TMEM219: variants seen among roughly 807,000 people sequenced by gnomAD.
The protein encoded by TMEM219 is transmembrane protein 219, also known as insulin-like growth factor-binding protein 3 receptor.
Under a neutral mutation model 17.9 loss-of-function variants are expected in TMEM219, and 18 were observed. That is an observed-to-expected ratio of 1.01 (90% CI 0.70 to 1.49). The LOEUF is 1.49. TMEM219 is among the 40% of genes most tolerant of loss of function. TMEM219 has a pLI of 0.00. For synonymous variants in TMEM219, 113 were observed against 124.0 expected (o/e 0.91, Z 0.59); for missense variants, 288 against 292.4 (o/e 0.99, Z 0.11).
At chr16:29,972,417 A>G (rs1377908659) in intron 5 of TMEM219, among the ~76,000 whole-genome samples, 1 of 152,184 alleles carries the variant, frequency 6.6e-6, no homozygotes, top group Non-Finnish European at 1.5e-5. Context: ...CAGCTTCACA[A>G]ACGTAGCAGT....
chr16:29,964,666 C>G (rs1295194466), intron 3 of TMEM219, among the ~76,000 whole-genome samples: 1 of 151,682 alleles, frequency 6.6e-6, no homozygotes, highest in African/African-American at 2.4e-5. Flanking sequence ...CGCCCCGCGC[C>G]CCCCCCACCA....
Position 29,968,187 on chromosome 16 carries a change from G to A in TMEM219, c.518G>A (p.Arg173Lys), listed in dbSNP as rs1258380426. Reference sequence around the variant, plus strand: ...GCTGGAAATGCCACCCTGAGCCCTAGAATGGGTGAGGAATGTGTTAGTGTC... The same window carrying A: ...GCTGGAAATGCCACCCTGAGCCCTAAAATGGGTGAGGAATGTGTTAGTGTC... ...EGAGNATLSP[R>K]MGEECVSVWS... Residue 173 changes from arginine to lysine, a missense_variant, in exon 4 of 6, where the codon AGA becomes AAA. Coordinates refer to ENST00000279396, the MANE Select transcript of TMEM219 (RefSeq NM_001083613.2). 11 of 1,614,088 alleles carry A rather than the reference G, an allele frequency of 6.8e-6. No individual in the cohort carries two copies. Among genetic ancestry groups the A allele is most frequent in the African/African-American group, 2.7e-5 (2 of 74,942 alleles).
At chr16:29,970,470 G>T (rs1203678834) in intron 4 of TMEM219, among the ~76,000 whole-genome samples, 1 of 150,806 alleles carries the variant, frequency 6.6e-6, no homozygotes, top group Non-Finnish European at 1.5e-5. Context: ...GACTACAGGC[G>T]CCCGCCACCA....
At chr16:29,970,165 C>T (rs2150866401) in intron 4 of TMEM219, among the ~76,000 whole-genome samples, 1 of 151,078 alleles carries the variant, frequency 6.6e-6, no homozygotes, top group African/African-American at 2.4e-5. Flanking sequence ...ACCTGGGAGG[C>T]AGAGGTTGTA....
chr16:29,963,061 G>T (rs2069165134), intron 1 of TMEM219, 46 bp from the exon 2 acceptor site: 2 of 1,497,594 alleles, frequency 1.3e-6, no homozygotes, highest in South Asian at 2.3e-5. Flanking sequence ...TTTTCTCTTT[G>T]CGTAAAAGCG....
Position 29,971,529 on chromosome 16 carries a change from C to G in TMEM219, c.707C>G (p.Ser236Cys), listed in dbSNP as rs370371593. 6.2e-7 allele frequency: 1 copy of G among 1,612,246 alleles called. No homozygotes were observed. The highest frequency in any genetic ancestry group is 2.2e-5 in the East Asian group (1 of 44,748). Reference sequence around the variant, plus strand: ...CACCCGCGCCGGGAGTCCCACTGGTCTAGAACCCGGCTCTGAGGGCACTGG... The same window carrying G: ...CACCCGCGCCGGGAGTCCCACTGGTGTAGAACCCGGCTCTGAGGGCACTGG... ...CFHPRRESHW[S>C]RTRL The change falls in exon 5 of 6, where the codon TCT becomes TGT. Residue 236 changes from serine (S) to cysteine (C), a missense_variant. By Grantham distance (112) the Ser-to-Cys change is moderately radical. Coordinates refer to ENST00000279396, the MANE Select transcript of TMEM219 (RefSeq NM_001083613.2).
At chr16:29,962,358 C>T (rs1408760595) in intron 1 of TMEM219, among the ~76,000 whole-genome samples, 1 of 152,084 alleles carries the variant, frequency 6.6e-6, no homozygotes, top group Non-Finnish European at 1.5e-5. Flanking sequence ...CCCTTCTTTT[C>T]CCCCGACCCC....
At position 29,963,415 on chromosome 16, in the gene TMEM219, T is replaced by C; in HGVS notation, c.181T>C (p.Leu61=). ...TTGCTCACAGGACTGGGTCTCTTTT[T>C]TGAGATCTTTTGGCCAGCTGACCCT... ...PDIPQDWVSF[L]RSFGQLTLCP... is the part of the protein sequence containing the mutation. Residue 61 remains leucine, a synonymous_variant, in exon 3 of 6, where the codon TTG becomes CTG. Coordinates refer to ENST00000279396, the MANE Select transcript of TMEM219 (RefSeq NM_001083613.2). 6.2e-7 allele frequency: 1 copy of C among 1,614,206 alleles called. No homozygotes were observed. Among genetic ancestry groups the C allele is most frequent in the Middle Eastern group, 1.6e-4 (1 of 6,062 alleles).
chr16:29,967,689 A>G (rs2069228629), intron 3 of TMEM219, among the ~76,000 whole-genome samples: 1 of 152,336 alleles, frequency 6.6e-6, no homozygotes, highest in Non-Finnish European at 1.5e-5. Flanking sequence ...GCACTTTGGG[A>G]GGCCAAGGCG....
intron 4 of TMEM219, 36 bp downstream of exon 4, chr16:29,968,290 A>T: frequency 6.5e-7 from 1 of 1,534,424 alleles, no homozygotes; most frequent in Non-Finnish European, 9.0e-7. Flanking sequence ...GGTTTTGTAG[A>T]CTGCCTGCTG....
chr16:29,971,357 T>C, intron 4 of TMEM219, 51 bp from the exon 5 acceptor site: 1 of 1,611,856 alleles, frequency 6.2e-7, no homozygotes, highest in Non-Finnish European at 8.5e-7. Context: ...TCTATAGCCC[T>C]TGGACTGGAT....
intron 5 of TMEM219, 37 bp downstream of exon 5, chr16:29,971,615 A>C (rs1386051462): frequency 1.6e-4 from 76 of 470,790 alleles, no homozygotes; most frequent in East Asian, 3.6e-4. Flanking sequence ...GGAGCAGGGA[A>C]TGGGGTGGGG....
chr16:29,963,418 A>G lies in TMEM219; in HGVS notation c.184A>G (p.Arg62Gly), dbSNP rs768685034. The G allele has an allele frequency of 8.7e-6, 14 of 1,613,378 alleles. No individual in the cohort carries two copies. Among genetic ancestry groups the G allele is most frequent in the Non-Finnish European group, 1.2e-5 (14 of 1,179,818 alleles). ...DIPQDWVSFL[R>G]SFGQLTLCPR... ...CTCACAGGACTGGGTCTCTTTTTTGAGATCTTTTGGCCAGCTGACCCTGTG... is the reference window on the plus strand; with the variant it reads ...CTCACAGGACTGGGTCTCTTTTTTGGGATCTTTTGGCCAGCTGACCCTGTG... Residue 62 changes from arginine (R) to glycine (G), a missense_variant, in exon 3 of 6, where the codon AGA (arginine) becomes GGA (glycine). Transcript: ENST00000279396.
intron 4 of TMEM219, among the ~76,000 whole-genome samples, chr16:29,969,979 C>T (rs1470570567): frequency 3.3e-5 from 5 of 152,138 alleles, no homozygotes; most frequent in East Asian, 1.9e-4. Context: ...CGGTGGCTCA[C>T]GCCTGTAATC....
chr16:29,962,473 C>T (rs947363478), intron 1 of TMEM219, among the ~76,000 whole-genome samples: 3 of 152,124 alleles, frequency 2.0e-5, no homozygotes, highest in Non-Finnish European at 2.9e-5. Context: ...CAGATCTTGG[C>T]CCTACCCCTC....
chr16:29,967,753 C>G lies in TMEM219; in HGVS notation c.356-272C>G, dbSNP rs577466537. 5.7e-4 allele frequency among the ~76,000 whole-genome samples: 87 copies of G among 152,218 alleles called. 1 individual carries two copies. The highest frequency in any genetic ancestry group is 1.0e-3 in the Non-Finnish European group (71 of 67,996). ...CCATCCTGGCTACCACAGTGAAACC[C>G]CGTCTCTACTAAAAATACAAAAAAT... On this transcript the variant is annotated intron_variant, in intron 3 of 5. Coordinates refer to ENST00000279396, the MANE Select transcript of TMEM219 (RefSeq NM_001083613.2).
rs147042453 is a variant in TMEM219 at position 29,965,409 on chromosome 16, A to G, written c.355+1820A>G. On this transcript the variant is annotated intron_variant, in intron 3 of 5. Coordinates refer to ENST00000279396, the MANE Select transcript of TMEM219 (RefSeq NM_001083613.2). Reference sequence around the variant, plus strand: ...TTGAGATATGATTCATGTACCATACAATTCACCCATTGAAAGTGTACAGTT... The same window carrying G: ...TTGAGATATGATTCATGTACCATACGATTCACCCATTGAAAGTGTACAGTT... 1.3e-4 allele frequency among the ~76,000 whole-genome samples: 20 copies of G among 152,206 alleles called. 1 individual carries two copies. The highest frequency in any genetic ancestry group is 4.3e-4 in the African/African-American group (18 of 41,540).
chr16:29,972,215 T>C (rs2069303226), intron 5 of TMEM219: 1 of 152,252 alleles, frequency 6.6e-6, no homozygotes, highest in Admixed American at 6.5e-5. Flanking sequence ...GTCCTGAAAT[T>C]CCAATACCCA....
Position 29,963,489 on chromosome 16 carries a change from C to T in TMEM219, c.255C>T (p.Val85=), listed in dbSNP as rs369756545. 170 of 1,614,194 alleles carry T rather than the reference C, an allele frequency of 1.1e-4. No individual in the cohort carries two copies. The highest frequency in any genetic ancestry group is 6.7e-4 in the African/African-American group (50 of 75,044). ...CAGGGAAGTGGCGAGGGTCTCACGT[C>T]GTGGGCTTGCTGACCACCTTGAACT... The part of the protein sequence containing the change: ...TVTGKWRGSH[V]VGLLTTLNFG... Residue 85 remains valine (V), a synonymous_variant, in exon 3 of 6, where the codon GTC becomes GTT. Transcript: ENST00000279396.
Sources: gnomAD v4.1 joint callset for allele counts (sites outside exome capture counted in the v4.1 genomes callset) on GRCh38, gnomAD v4.1.1 for gene constraint, MANE v1.5 for transcripts, NCBI Gene and HGNC (gene_info 2026-07-23, HGNC 2026-07-21) for gene names.